FBXL17: variants seen among roughly 807,000 people sequenced by gnomAD.
FBXL17 encodes F-box and leucine rich repeat protein 17.
In FBXL17, 22 loss-of-function variants were observed where a neutral mutation model predicts 66.2. The observed-to-expected ratio is 0.33, with a 90% confidence interval of 0.24 to 0.47. The LOEUF is 0.47. Among genes scored for constraint, FBXL17 ranks in the 20% least tolerant of loss-of-function variants. The probability of loss-of-function intolerance (pLI) is 1.00; values close to 1 mark genes in which losing one functional copy is unlikely to be tolerated. For missense variants in FBXL17, 878 were observed against 948.2 expected (o/e 0.93, Z 0.97); for synonymous variants, 474 against 400.5 (o/e 1.18, Z -2.19).
intron 6 of FBXL17, among the ~76,000 whole-genome samples, chr5:108,101,979 G>A (rs946238544): frequency 1.3e-5 from 2 of 152,212 alleles, no homozygotes; most frequent in East Asian, 3.9e-4. Flanking sequence ...GGGTTCACAG[G>A]TTCCCAGGGT....
In FBXL17 at chr5:108,369,405, G is replaced by A. The variant is rs180788814; in HGVS notation, c.994-1452C>T. On this transcript the variant is annotated intron_variant, in intron 1 of 8. Coordinates refer to ENST00000542267, the MANE Select transcript of FBXL17 (RefSeq NM_001163315.3). ...CTGTGCCCAACCACCTTGGGCACAT[G>A]TTCTCAGGATCTCCTGAGGGCTGTG... Among the ~76,000 whole-genome samples, 987 of 152,220 alleles carry A rather than the reference G, an allele frequency of 6.5e-3. 6 individuals are homozygous for A. The highest frequency in any genetic ancestry group is 9.9e-3 in the Non-Finnish European group (674 of 68,010).
At chr5:107,983,503 T>C (rs980282538) in intron 7 of FBXL17, among the ~76,000 whole-genome samples, 2 of 151,854 alleles carry the variant, frequency 1.3e-5, no homozygotes, top group Non-Finnish European at 2.9e-5. Context: ...CAGCATTCTT[T>C]GTCTTTTGCA....
intron 5 of FBXL17, 144 bp from the exon 6 acceptor site, chr5:108,186,391 G>C: frequency 4.9e-6 from 3 of 616,448 alleles, no homozygotes; most frequent in South Asian, 2.5e-5. Flanking sequence ...TAAAGATATT[G>C]TATATGTAAT....
chr5:108,146,973 C>T (rs1008602382), intron 6 of FBXL17, among the ~76,000 whole-genome samples: 4 of 152,170 alleles, frequency 2.6e-5, no homozygotes, highest in Admixed American at 6.5e-5. Context: ...CTAGCAGATT[C>T]AACATCTGAT....
At chr5:108,072,658 A>C (rs998246523) in intron 6 of FBXL17, among the ~76,000 whole-genome samples, 21 of 152,180 alleles carry the variant, frequency 1.4e-4, no homozygotes, top group Admixed American at 6.5e-4. Context: ...CAGTGAGCCG[A>C]GATTGCGCCA....
intron 5 of FBXL17, among the ~76,000 whole-genome samples, chr5:108,217,252 T>G (rs1754644992): frequency 6.6e-6 from 1 of 152,106 alleles, no homozygotes; most frequent in South Asian, 2.1e-4. Context: ...TTATTAAACT[T>G]TCGCTCTAAC....
At chr5:107,935,361 AT>A (rs1750866500) in intron 7 of FBXL17, among the ~76,000 whole-genome samples, 1 of 151,658 alleles carries the variant, frequency 6.6e-6, no homozygotes, top group Non-Finnish European at 1.5e-5. Flanking sequence ...AATGCTCTTG[AT>A]TTTCAAAATA....
intron 7 of FBXL17, among the ~76,000 whole-genome samples, chr5:108,014,974 G>A (rs990221710): frequency 6.6e-6 from 1 of 152,044 alleles, no homozygotes; most frequent in East Asian, 1.9e-4. Context: ...AACAGTATAG[G>A]GGAAACTGCC....
intron 6 of FBXL17, among the ~76,000 whole-genome samples, chr5:108,150,035 T>C (rs1751709300): frequency 6.6e-6 from 1 of 152,324 alleles, no homozygotes; most frequent in Middle Eastern, 3.4e-3. Context: ...GATTTATCAA[T>C]TGCTAACATT....
At chr5:108,271,121 A>G (rs1757251567) in intron 4 of FBXL17, among the ~76,000 whole-genome samples, 1 of 152,078 alleles carries the variant, frequency 6.6e-6, no homozygotes, top group Admixed American at 6.6e-5. Flanking sequence ...AGAAGAGAAT[A>G]TGATTAATGA....
At chr5:108,149,120 G>C (rs1161784220) in intron 6 of FBXL17, among the ~76,000 whole-genome samples, 1 of 152,120 alleles carries the variant, frequency 6.6e-6, no homozygotes, top group Non-Finnish European at 1.5e-5. Flanking sequence ...CCACTGTTTT[G>C]TGAAATGTAC....
chr5:108,174,748 CAAA>C (rs34237156), intron 6 of FBXL17, among the ~76,000 whole-genome samples: 25,386 of 92,796 alleles, frequency 0.27, 2,607 homozygotes, highest in South Asian at 0.4. Context: ...CACAAAGAAG[CAAA>C]AAAAAAAAAA....
intron 7 of FBXL17, among the ~76,000 whole-genome samples, chr5:107,965,791 C>G (rs2112637574): frequency 6.6e-6 from 1 of 152,174 alleles, no homozygotes; most frequent in Admixed American, 6.6e-5. Flanking sequence ...TAGACATAGT[C>G]TAGTGTACAG....
chr5:108,310,787 A>G (rs2150197630), intron 4 of FBXL17, among the ~76,000 whole-genome samples: 1 of 152,240 alleles, frequency 6.6e-6, no homozygotes, highest in Middle Eastern at 3.4e-3. Flanking sequence ...AGTTTCTTTT[A>G]TTTTAAATCA....
intron 6 of FBXL17, among the ~76,000 whole-genome samples, chr5:108,168,738 C>T (rs2150014072): frequency 6.6e-6 from 1 of 152,228 alleles, no homozygotes; most frequent in Non-Finnish European, 1.5e-5. Context: ...TGTTCTCTCC[C>T]ATGCATACCC....
chr5:108,025,680 TACAC>T (rs151215184), intron 6 of FBXL17, among the ~76,000 whole-genome samples: 132 of 130,126 alleles, frequency 1.0e-3, no homozygotes, highest in African/African-American at 1.9e-3. Context: ...CTACAACACA[TACAC>T]ACACACACAC....
intron 6 of FBXL17, among the ~76,000 whole-genome samples, chr5:108,029,704 C>T (rs1421042243): frequency 1.3e-5 from 2 of 151,604 alleles, no homozygotes; most frequent in African/African-American, 4.8e-5. Flanking sequence ...AGGCATCAAC[C>T]AATAATTCTC....
chr5:107,964,241 T>A (rs867912), intron 7 of FBXL17, among the ~76,000 whole-genome samples: 130,507 of 152,118 alleles, frequency 0.86, 56,378 homozygotes, highest in African/African-American at 0.93. Flanking sequence ...TTGTCATATG[T>A]GCTTTCATGT....
chr5:108,380,339 C>T (rs563536025), intron 1 of FBXL17, among the ~76,000 whole-genome samples: 2 of 152,304 alleles, frequency 1.3e-5, no homozygotes, highest in South Asian at 4.1e-4. Flanking sequence ...CTTTCAAACA[C>T]CAACATGCAA....
Sources: allele counts gnomAD v4.1 joint callset (sites outside exome capture counted in the v4.1 genomes callset), GRCh38; gene constraint gnomAD v4.1.1; transcripts MANE v1.5; gene names NCBI Gene and HGNC (gene_info 2026-07-23, HGNC 2026-07-21).